The following STK24 variants were observed in gnomAD, a reference collection of about 807,000 sequenced individuals.
STK24 encodes serine/threonine-protein kinase 24.
STK24 carries 21 observed loss-of-function variants against 55.6 expected under a neutral mutation model. The observed-to-expected ratio is 0.38, with a 90% CI of 0.27 to 0.54. The LOEUF (loss-of-function observed/expected upper bound fraction) is 0.54, where lower values mean the gene tolerates loss of function less well. STK24 is among the 20% of genes least tolerant of loss of function. The pLI is 0.79. For missense variants in STK24, 383 were observed against 538.4 expected, an observed-to-expected ratio of 0.71 and a Z score of 2.86; for synonymous variants, 200 against 215.2, an observed-to-expected ratio of 0.93 and a Z score of 0.62.
chr13:98,547,856 C>T (rs1184142330), intron 1 of STK24, among the ~76,000 whole-genome samples: 1 of 152,236 alleles, frequency 6.6e-6, no homozygotes, highest in Non-Finnish European at 1.5e-5. Context: ...ATCACAGCCT[C>T]ATTCACCTTC....
chr13:98,494,412 C>CAAAAAAA (rs1162677599), intron 2 of STK24, among the ~76,000 whole-genome samples: 16,800 of 66,118 alleles, frequency 0.25, 3,201 homozygotes, highest in Non-Finnish European at 0.31. Flanking sequence ...AGACTCGTCT[C>CAAAAAAA]AAAAAAAAAA....
intron 3 of STK24, among the ~76,000 whole-genome samples, chr13:98,476,991 C>T (rs1894402683): frequency 6.6e-6 from 1 of 152,234 alleles, no homozygotes; most frequent in Non-Finnish European, 1.5e-5. Context: ...GGTCAAAATG[C>T]CCATCTCCAT....
chr13:98,535,375 A>G (rs1253522453), intron 1 of STK24, among the ~76,000 whole-genome samples: 1 of 109,220 alleles, frequency 9.2e-6, no homozygotes, highest in Non-Finnish European at 1.8e-5. Context: ...AAAAAAATAT[A>G]TATATATATA....
intron 1 of STK24, among the ~76,000 whole-genome samples, chr13:98,548,861 CAAAAAAAAAAA>C (rs55793722): frequency 1.1e-4 from 4 of 37,804 alleles, no homozygotes; most frequent in African/African-American, 1.8e-4. Context: ...GACTCTGTCT[CAAAAAAAAAAA>C]AAAAAAAAAA....
chr13:98,468,288 G>A (rs1594582005), intron 5 of STK24, among the ~76,000 whole-genome samples: 2 of 152,130 alleles, frequency 1.3e-5, no homozygotes, highest in Admixed American at 6.5e-5. Context: ...GTACTGAAGG[G>A]GTCAGTCTAG....
intron 1 of STK24, among the ~76,000 whole-genome samples, chr13:98,552,766 A>G (rs1309980127): frequency 6.6e-6 from 1 of 152,122 alleles, no homozygotes; most frequent in East Asian, 1.9e-4. Flanking sequence ...CGAAGACGCC[A>G]ACAAGGGGAA....
chr13:98,504,644 G>A (rs1895619005), intron 2 of STK24, among the ~76,000 whole-genome samples: 1 of 152,022 alleles, frequency 6.6e-6, no homozygotes, highest in South Asian at 2.1e-4. Flanking sequence ...GGAGTCGTCG[G>A]TGACTATCTA....
chr13:98,447,641 G>C lies in STK24; in HGVS notation c.*5532C>G, dbSNP rs1396116805. 6.5e-6 allele frequency: 1 copy of C among 153,484 alleles called. No individual in the cohort carries two copies. The highest frequency in any genetic ancestry group is 2.4e-5 in the African/African-American group (1 of 41,420). The allele number at this position is 153,484 out of a possible 1,614,324, so 9.5% of individuals were successfully genotyped here. ...TCTCCAGACTTTACCAAATGGGACA[G>C]CATTGCACCCATTTGAGAAGCACCG... is the stretch of plus-strand genomic sequence containing the variant. On this transcript the variant is annotated 3_prime_UTR_variant, in exon 11 of 11. Coordinates refer to ENST00000539966, the MANE Select transcript of STK24 (RefSeq NM_001032296.4).
At chr13:98,542,160 C>T (rs1409337466) in intron 1 of STK24, among the ~76,000 whole-genome samples, 1 of 152,086 alleles carries the variant, frequency 6.6e-6, no homozygotes, top group Non-Finnish European at 1.5e-5. Flanking sequence ...TGGTAATCAG[C>T]TCTCATGATT....
intron 5 of STK24, among the ~76,000 whole-genome samples, chr13:98,466,862 G>A (rs527699744): frequency 1.3e-5 from 2 of 152,314 alleles, no homozygotes; most frequent in South Asian, 2.1e-4. Flanking sequence ...GGACCAGTAA[G>A]AGAGGTGAGC....
rs537857772 is a variant in STK24, at chr13:98,461,983, G to A, written c.930-86C>T. The A allele has an allele frequency of 1.9e-6, 3 of 1,552,622 alleles. No individual in the cohort carries two copies. The East Asian group carries it at 6.8e-5, about 35-fold the overall frequency. On this transcript the variant is annotated intron_variant, in intron 7 of 10. Transcript: ENST00000539966. ...GACGTTCAGGGGGAGGCCGCCTGGG[G>A]ACCTCTAAACCCACACCCACCAGCC...
At chr13:98,480,550 T>G (rs1312001691) in intron 3 of STK24, among the ~76,000 whole-genome samples, 1 of 152,228 alleles carries the variant, frequency 6.6e-6, no homozygotes, top group African/African-American at 2.4e-5. Context: ...CTTTTTAATA[T>G]AATTTTATAC....
At chr13:98,538,257 G>A (rs1320997818) in intron 1 of STK24, among the ~76,000 whole-genome samples, 1 of 117,856 alleles carries the variant, frequency 8.5e-6, no homozygotes, top group Non-Finnish European at 1.6e-5. Context: ...ATGGAGTCTC[G>A]CTCTGTTGAC....
intron 1 of STK24, among the ~76,000 whole-genome samples, chr13:98,573,124 T>C (rs1351641638): frequency 1.3e-5 from 2 of 152,212 alleles, no homozygotes; most frequent in Non-Finnish European, 2.9e-5. Flanking sequence ...CCCAAGCATT[T>C]TGGATGAGGG....
chr13:98,446,964 C>G lies in STK24; in HGVS notation c.*6209G>C. 1.3e-6 allele frequency: 1 copy of G among 779,838 alleles called. No individual in the cohort carries two copies. The allele number at this position is 779,838 out of a possible 1,614,324, so 48.3% of individuals were successfully genotyped here. A position where few individuals can be genotyped will look rare whatever the true frequency, so the allele number is the denominator to read the frequency against. ...GACCTGGGGTCCCACTGCCCGACAC[C>G]AGCAGGCGATTCTGTTCTCATGGCA... On this transcript the variant is annotated 3_prime_UTR_variant, in exon 11 of 11. Coordinates refer to ENST00000539966, the MANE Select transcript of STK24 (RefSeq NM_001032296.4).
chr13:98,576,760 G>T lies in STK24; in HGVS notation c.27C>A (p.Gly9=). Residue 9 remains glycine, a synonymous_variant, in exon 1 of 11, where the codon GGC becomes GGA. Transcript: ENST00000539966. ...GCCCGCCTACCTGCATGCCGGGCAG[G>T]CCCGACTGCACCGGGGAGTGAGCCA... MAHSPVQS[G]LPGMQNLKAD... The T allele has an allele frequency of 2.1e-6, 3 of 1,456,058 alleles. No homozygotes were observed. The highest frequency in any genetic ancestry group is 2.7e-6 in the Non-Finnish European group (3 of 1,108,040). The allele number at this position is 1,456,058 out of a possible 1,614,324, so 90.2% of individuals were successfully genotyped here.
chr13:98,456,598 GT>G (rs1449561325), intron 10 of STK24: 1 of 477,694 alleles, frequency 2.1e-6, no homozygotes, highest in South Asian at 1.5e-5. Flanking sequence ...GGGCAAAACT[GT>G]CACCCCACTG....
At chr13:98,492,417 G>T (rs985502747) in intron 2 of STK24, among the ~76,000 whole-genome samples, 3 of 152,160 alleles carry the variant, frequency 2.0e-5, no homozygotes, top group Admixed American at 6.5e-5. Flanking sequence ...AGGAAAAAAG[G>T]GTGCTTTTGG....
chr13:98,564,017 C>G (rs562745811), intron 1 of STK24, among the ~76,000 whole-genome samples: 2 of 152,046 alleles, frequency 1.3e-5, no homozygotes, highest in South Asian at 2.1e-4. Flanking sequence ...TCCAGTACAC[C>G]CTAATAACAG....
Sources: allele counts gnomAD v4.1 joint callset (sites outside exome capture counted in the v4.1 genomes callset), GRCh38; gene constraint gnomAD v4.1.1; transcripts MANE v1.5; gene names NCBI Gene and HGNC (gene_info 2026-07-23, HGNC 2026-07-21).